The following ZNF451 variants were observed in gnomAD, a reference collection of about 807,000 sequenced individuals.
ZNF451 encodes E3 SUMO-protein ligase ZNF451.
Under a neutral mutation model 107.1 loss-of-function variants are expected in ZNF451, and 80 were observed. The observed-to-expected ratio is 0.75, with a 90% confidence interval of 0.62 to 0.90. The LOEUF is 0.90. Ranked by LOEUF, ZNF451 falls within the 40% of genes least tolerant of loss-of-function variation. ZNF451 has a pLI of 0.00. For synonymous variants in ZNF451, 362 were observed against 406.5 expected, an observed-to-expected ratio of 0.89 and a Z score of 1.32; for missense variants, 1,107 against 1,236.2, an observed-to-expected ratio of 0.90 and a Z score of 1.57.
chr6:57,102,650 G>C (rs1829662485), intron 3 of ZNF451: 2 of 985,404 alleles, frequency 2.0e-6, no homozygotes, highest in Non-Finnish European at 1.2e-6. Flanking sequence ...CTACTATCAA[G>C]CTCTGTGAGA....
chr6:57,115,214 TGTGGTC>T (rs1036540444), intron 3 of ZNF451: 1 of 152,208 alleles, frequency 6.6e-6, no homozygotes, highest in African/African-American at 2.4e-5. Context: ...TTCAGTGAGC[TGTGGTC>T]ACACCATTGC....
chr6:57,090,293 G>A lies in ZNF451; in HGVS notation c.21+19G>A. On this transcript the variant is annotated intron_variant, in intron 1 of 14. Transcript: ENST00000370706. ...GTCGGAGGTGAGTAGTCGAGTGAGG[G>A]TCCTGGCGTTCTCAGAGGCGAACCG... The A allele has an allele frequency of 6.2e-7, 1 of 1,610,348 alleles. No individual in the cohort carries two copies. Among genetic ancestry groups the A allele is most frequent in the Non-Finnish European group, 8.5e-7 (1 of 1,179,258 alleles).
At position 57,141,517 on chromosome 6, in the gene ZNF451, C is replaced by T; in HGVS notation, c.856+62C>T. ...CTTGAATCTTTGCTGATTTATCATA[C>T]TTCTCAGATCATTCTTGAGATTACA... On this transcript the variant is annotated intron_variant, in intron 8 of 14. Coordinates refer to ENST00000370706, the MANE Select transcript of ZNF451 (RefSeq NM_001031623.3). 3 of 1,424,530 alleles carry T rather than the reference C, an allele frequency of 2.1e-6. No homozygotes were observed. The East Asian group carries it at 7.0e-5, about 33-fold the overall frequency. The allele number at this position is 1,424,530 out of a possible 1,614,324, so 88.2% of individuals were successfully genotyped here.
At chr6:57,108,134 C>G in intron 3 of ZNF451, 1 of 985,274 alleles carries the variant, frequency 1.0e-6, no homozygotes, top group Non-Finnish European at 1.2e-6. Context: ...CCACAGTGCC[C>G]GGCCTGTATT....
chr6:57,160,770 C>T (rs750918559), intron 13 of ZNF451: 36 of 208,230 alleles, frequency 1.7e-4, no homozygotes, highest in Admixed American at 8.8e-4. Flanking sequence ...ATAAAGCCTT[C>T]GGTCTCTTAT....
At chr6:57,129,354 G>A (rs1321480134) in intron 5 of ZNF451, among the ~76,000 whole-genome samples, 1 of 152,142 alleles carries the variant, frequency 6.6e-6, no homozygotes, top group Non-Finnish European at 1.5e-5. Context: ...AAGAGTTGCT[G>A]TGGAACATGT....
intron 8 of ZNF451, 139 bp downstream of exon 8, chr6:57,141,594 T>C (rs1831765419): frequency 1.2e-6 from 1 of 830,736 alleles, no homozygotes; most frequent in South Asian, 2.7e-5. Context: ...TCTCAATTCC[T>C]ACTTAAAAAC....
chr6:57,095,812 TTTTTGTTG>T (rs1829271387), intron 2 of ZNF451, among the ~76,000 whole-genome samples: 1 of 123,508 alleles, frequency 8.1e-6, no homozygotes, highest in African/African-American at 3.2e-5. Context: ...CAGCTTTTTT[TTTTTGTTG>T]TTGTTGTTGT....
Position 57,148,210 on chromosome 6 carries a change from G to A in ZNF451, c.2125G>A (p.Asp709Asn). ...EKTETSIKTE[D>N]DFPVIETSNQ... Reference sequence around the variant, plus strand: ...AACTGAAACTTCAATTAAAACCGAAGATGATTTTCCAGTAATAGAGACCAG... The same window carrying A: ...AACTGAAACTTCAATTAAAACCGAAAATGATTTTCCAGTAATAGAGACCAG... Residue 709 changes from aspartate (D) to asparagine (N), a missense_variant, in exon 10 of 15, where the codon GAT becomes AAT. By Grantham distance (23) the Asp-to-Asn change is conservative (BLOSUM62 1). Coordinates refer to ENST00000370706, the MANE Select transcript of ZNF451 (RefSeq NM_001031623.3). 1 of 1,614,016 alleles carries A rather than the reference G, an allele frequency of 6.2e-7. No individual in the cohort carries two copies. The highest frequency in any genetic ancestry group is 1.6e-4 in the Middle Eastern group (1 of 6,062).
chr6:57,134,755 C>G lies in ZNF451; in HGVS notation c.587C>G (p.Ser196Cys). Residue 196 changes from serine to cysteine, a missense_variant, in exon 7 of 15, where the codon TCT (serine) becomes TGT (cysteine). Ser to Cys is a moderately radical substitution (Grantham distance 112, BLOSUM62 -1). Transcript: ENST00000370706. ...LLGHLKRFDH[S>C]PCDPTITLHG... is the part of the protein sequence containing the mutation. ...CTTTTGCTGAGTAGGTTCGATCACT[C>G]TCCATGTGATCCAACAATTACACTA... The G allele has an allele frequency of 6.2e-7, 1 of 1,612,926 alleles. No homozygotes were observed. Among genetic ancestry groups the G allele is most frequent in the Non-Finnish European group, 8.5e-7 (1 of 1,179,528 alleles).
intron 9 of ZNF451, among the ~76,000 whole-genome samples, chr6:57,143,784 A>C (rs1831911632): frequency 6.6e-6 from 1 of 152,210 alleles, no homozygotes; most frequent in Admixed American, 6.5e-5. Flanking sequence ...AATAGTAAAA[A>C]AATGGGAACA....
chr6:57,094,300 T>C (rs958489014), intron 2 of ZNF451, among the ~76,000 whole-genome samples: 18 of 152,114 alleles, frequency 1.2e-4, no homozygotes, highest in Admixed American at 2.0e-4. Flanking sequence ...TTAAATTTTA[T>C]TTTTATTTAA....
At position 57,128,738 on chromosome 6, in the gene ZNF451, G is replaced by T; in HGVS notation, c.322G>T (p.Asp108Tyr). The change falls in exon 5 of 15, where the codon GAT (aspartate) becomes TAT (tyrosine). Residue 108 changes from aspartate to tyrosine, a missense_variant. Coordinates refer to ENST00000370706, the MANE Select transcript of ZNF451 (RefSeq NM_001031623.3). ...EKNRAFREKI[D>Y]FQHAHGLQEL... ...TTCTTAATGTCTTCAGGAAAAAATT[G>T]ATTTTCAGCATGCTCATGGGTTACA... 1 of 1,606,156 alleles carries T rather than the reference G, an allele frequency of 6.2e-7. No homozygotes were observed. The highest frequency in any genetic ancestry group is 1.1e-5 in the South Asian group (1 of 89,430).
chr6:57,096,031 C>T (rs540814427), intron 2 of ZNF451, among the ~76,000 whole-genome samples: 4 of 152,104 alleles, frequency 2.6e-5, no homozygotes, highest in African/African-American at 4.8e-5. Flanking sequence ...GCCATGTTGG[C>T]CCAGATGGTC....
At chr6:57,152,472 C>A in intron 12 of ZNF451, 121 bp downstream of exon 12, 1 of 1,182,592 alleles carries the variant, frequency 8.5e-7, no homozygotes, top group Non-Finnish European at 1.2e-6. Flanking sequence ...CTACCTATGA[C>A]TATTATGAAG....
chr6:57,142,614 G>C (rs1009503385), intron 9 of ZNF451, among the ~76,000 whole-genome samples: 2 of 152,056 alleles, frequency 1.3e-5, no homozygotes, highest in Non-Finnish European at 2.9e-5. Flanking sequence ...TAGATAGTTG[G>C]GTTGTTTACA....
At chr6:57,158,270 A>G (rs1763523062) in intron 13 of ZNF451, among the ~76,000 whole-genome samples, 1 of 152,218 alleles carries the variant, frequency 6.6e-6, no homozygotes, top group Non-Finnish European at 1.5e-5. Flanking sequence ...ATAATGGGAA[A>G]TATTCTGCCA....
In ZNF451 at chr6:57,142,235, A is replaced by G; in HGVS notation, c.1004+140A>G. 8 of 999,090 alleles carry G rather than the reference A, an allele frequency of 8.0e-6. No individual in the cohort carries two copies. The South Asian group carries it at 1.6e-4, about 20-fold the overall frequency. The allele number at this position is 999,090 out of a possible 1,614,324, so 61.9% of individuals were successfully genotyped here. ...TGCCTGGAAATTAGCCAAATTTAAC[A>G]TAGTGAGAGAAGTTAGAGTTGTGGA... On this transcript the variant is annotated intron_variant, in intron 9 of 14. Transcript: ENST00000370706.
At chr6:57,096,176 GTTTTTTT>G (rs749589304) in intron 2 of ZNF451, among the ~76,000 whole-genome samples, 5 of 58,450 alleles carry the variant, frequency 8.6e-5, no homozygotes, top group Admixed American at 4.9e-4. Flanking sequence ...CTTTCTTTCT[GTTTTTTT>G]TTTTTTTTTT....
Sources: allele counts gnomAD v4.1 joint callset (sites outside exome capture counted in the v4.1 genomes callset), GRCh38; gene constraint gnomAD v4.1.1; transcripts MANE v1.5; gene names NCBI Gene and HGNC (gene_info 2026-07-23, HGNC 2026-07-21).